Variants in NFKBID observed in about 807,000 individuals in gnomAD.
NFKBID encodes the protein NF-kappa-B inhibitor delta.
A neutral mutation model predicts 53.4 loss-of-function variants in NFKBID; 26 were observed. The observed-to-expected ratio is 0.49, with a 90% CI of 0.36 to 0.68. The LOEUF (loss-of-function observed/expected upper bound fraction) is 0.68. Ranked by LOEUF, NFKBID falls within the 30% of genes least tolerant of loss-of-function variation. The probability of loss-of-function intolerance (pLI) is 0.00; values close to 1 mark genes in which losing one functional copy is unlikely to be tolerated. For synonymous variants in NFKBID, 262 were observed against 259.8 expected, an observed-to-expected ratio of 1.01 and a Z score of -0.08; for missense variants, 493 against 614.1, an observed-to-expected ratio of 0.80 and a Z score of 2.08.
intron 9 of NFKBID, among the ~76,000 whole-genome samples, chr19:35,891,913 C>T (rs1023947070): frequency 4.0e-5 from 6 of 151,764 alleles, no homozygotes; most frequent in Admixed American, 1.3e-4. Context: ...GACAGGGTCT[C>T]GCTCTGTTGC....
Position 35,890,497 on chromosome 19 carries a change from G to A in NFKBID, c.1033-7C>T. On this transcript the variant is annotated splice_polypyrimidine_tract_variant and splice_region_variant and intron_variant, in intron 9 of 11. Transcript: ENST00000641389. ...TCTTGTTGCTCTTGATCTCCTGAGG[G>A]GAAGGGAATGGCAGAGGTCAGGGCC... is the stretch of plus-strand genomic sequence containing the variant. The A allele has an allele frequency of 1.3e-6, 2 of 1,597,290 alleles. No individual in the cohort carries two copies. The highest frequency in any genetic ancestry group is 1.7e-6 in the Non-Finnish European group (2 of 1,164,774).
intron 1 of NFKBID, among the ~76,000 whole-genome samples, chr19:35,900,072 A>C (rs1309132538): frequency 0.13 from 104 of 780 alleles, no homozygotes; most frequent in South Asian, 0.18. Flanking sequence ...TTAAGCAACC[A>C]CGCCCCCCCC....
exon 11 of NFKBID, chr19:35,889,893 C>G (rs894719168): frequency 1.2e-6 from 2 of 1,606,942 alleles, no homozygotes; most frequent in East Asian, 2.2e-5. Context: ...TACTTACCCC[C>G]TCAGGGCCCG....
intron 1 of NFKBID, 21 bp from the exon 2 acceptor site, chr19:35,898,843 G>C: frequency 6.5e-7 from 1 of 1,529,038 alleles, no homozygotes. Context: ...GAGGAGAGGG[G>C]GAAGTCATCA....
chr19:35,898,587 C>A, intron 2 of NFKBID, 55 bp from the exon 3 acceptor site: 1 of 1,444,372 alleles, frequency 6.9e-7, no homozygotes, highest in Non-Finnish European at 9.3e-7. Context: ...CAGATTCCTC[C>A]GGGTCTGTCT....
chr19:35,889,198 A>C (rs1346157697), intron 11 of NFKBID, among the ~76,000 whole-genome samples: 3 of 150,520 alleles, frequency 2.0e-5, no homozygotes, highest in East Asian at 1.9e-4. Flanking sequence ...AAAAAAAAAA[A>C]AAACAAAATT....
upstream of NFKBID, chr19:35,901,949 G>T: frequency 1.8e-6 from 1 of 552,262 alleles, no homozygotes; most frequent in Non-Finnish European, 3.2e-6. Context: ...CCCCCATTCA[G>T]TGTGTGTTGT....
Position 35,896,615 on chromosome 19 carries a change from C to T in NFKBID, c.685-77G>A. The T allele has an allele frequency of 1.9e-6, 3 of 1,555,608 alleles. No homozygotes were observed. Among genetic ancestry groups the T allele is most frequent in the South Asian group, 2.2e-5 (2 of 88,976 alleles). On this transcript the variant is annotated intron_variant, in intron 6 of 11. Transcript: ENST00000641389. This position sits in a 1 kb window ranked among gnomAD's most constrained non-coding sequence, Gnocchi z 5.7. ...AAACCAGGCTCCCAGCCCCATCCCC[C>T]CTCAGCCCCAGGAGCTCACCCCCCA...
chr19:35,897,214 G>T, intron 4 of NFKBID, 156 bp from the exon 5 acceptor site: 2 of 734,884 alleles, frequency 2.7e-6, no homozygotes, highest in Non-Finnish European at 4.2e-6. Context: ...TATGCCAAGT[G>T]ACCTTGGACC....
chr19:35,902,150 A>G (rs1405230641), upstream of NFKBID: 1 of 702,942 alleles, frequency 1.4e-6, no homozygotes, highest in Non-Finnish European at 2.6e-6. Context: ...CCAACCCTGT[A>G]TGCCCAAACC....
At chr19:35,891,289 T>C (rs1974744084) in intron 9 of NFKBID, among the ~76,000 whole-genome samples, 1 of 152,182 alleles carries the variant, frequency 6.6e-6, no homozygotes. Context: ...TTTAAGGAGT[T>C]TGTAACGATA....
intron 9 of NFKBID, among the ~76,000 whole-genome samples, chr19:35,892,989 AC>A (rs553584695): frequency 1.3e-5 from 2 of 151,656 alleles, no homozygotes; most frequent in African/African-American, 4.9e-5. Context: ...ACATAGTGAG[AC>A]CCCCCCTCTC....
At chr19:35,897,487 G>A (rs1389670297) in intron 4 of NFKBID, 164 bp downstream of exon 4, 12 of 658,598 alleles carry the variant, frequency 1.8e-5, no homozygotes, top group South Asian at 5.6e-5. Flanking sequence ...CAAGTGATCC[G>A]CCTGCCTCAG....
chr19:35,900,626 A>G (rs1975510147), exon 1 of NFKBID: 7 of 1,229,294 alleles, frequency 5.7e-6, no homozygotes, highest in Non-Finnish European at 7.1e-6. Context: ...CAGGCCTGGG[A>G]GTCCCCGGGT....
intron 1 of NFKBID, among the ~76,000 whole-genome samples, chr19:35,899,932 G>A (rs921108323): frequency 2.0e-5 from 3 of 152,064 alleles, no homozygotes; most frequent in Admixed American, 2.0e-4. Context: ...CCCCGCGCAA[G>A]GGGAATTCCT....
At chr19:35,898,494 T>C (rs773378814) in exon 3 of NFKBID, 1 of 1,534,910 alleles carries the variant, frequency 6.5e-7, no homozygotes, top group South Asian at 1.2e-5. Flanking sequence ...CATTCACAGA[T>C]GGGGTCAGGG....
intron 3 of NFKBID, 69 bp downstream of exon 3, chr19:35,898,403 T>G: frequency 9.8e-7 from 1 of 1,016,696 alleles, no homozygotes; most frequent in Non-Finnish European, 1.4e-6. Context: ...GTCCCAAAGT[T>G]CTGAGAGCTG....
chr19:35,892,175 C>A (rs1568487171), intron 9 of NFKBID, among the ~76,000 whole-genome samples: 1 of 151,964 alleles, frequency 6.6e-6, no homozygotes, highest in Non-Finnish European at 1.5e-5. Context: ...CCTCAGCCTC[C>A]TGAGTACCTG....
exon 5 of NFKBID, chr19:35,897,019 G>A: frequency 6.2e-7 from 1 of 1,606,688 alleles, no homozygotes; most frequent in Non-Finnish European, 8.5e-7. Flanking sequence ...GGGAACTGTG[G>A]GGGTCCTGAA....
Sources: gnomAD v4.1 joint callset for allele counts (sites outside exome capture counted in the v4.1 genomes callset) on GRCh38, gnomAD v4.1.1 for gene constraint, Gnocchi (gnomAD v3.1) non-coding constraint, MANE v1.5 for transcripts, NCBI Gene and HGNC (gene_info 2026-07-23, HGNC 2026-07-21) for gene names.